MIOS: variants seen among roughly 807,000 people sequenced by gnomAD.
MIOS encodes the protein meiosis regulator for oocyte development, also known as GATOR2 complex protein MIOS.
In MIOS, 52 loss-of-function variants were observed where a neutral mutation model predicts 96.9. That is an observed-to-expected ratio of 0.54 (90% CI 0.43 to 0.68). The LOEUF is 0.68. Among genes scored for constraint, MIOS ranks in the 30% least tolerant of loss-of-function variants. MIOS has a pLI of 0.00. For missense variants in MIOS, 1,005 were observed against 1,052.8 expected (o/e 0.95, Z 0.63); for synonymous variants, 397 against 359.5 (o/e 1.10, Z -1.18).
intron 9 of MIOS, among the ~76,000 whole-genome samples, chr7:7,594,468 T>C (rs974842361): frequency 4.6e-5 from 7 of 152,182 alleles, no homozygotes; most frequent in African/African-American, 1.7e-4. Flanking sequence ...CTAATTTTTG[T>C]ATTTTTACTA....
chr7:7,600,837 T>A (rs946607493), intron 11 of MIOS, among the ~76,000 whole-genome samples: 36 of 152,224 alleles, frequency 2.4e-4, no homozygotes, highest in Middle Eastern at 3.4e-3. Context: ...CCTCAGCAAA[T>A]GTAAAAGAAC....
chr7:7,606,904 A>G (rs1166497253), intron 12 of MIOS, 92 bp from the exon 13 acceptor site: 18 of 1,012,138 alleles, frequency 1.8e-5, no homozygotes, highest in Non-Finnish European at 2.7e-5. Context: ...TGGGAAATAT[A>G]GGGAGACCCT....
rs760576442 is a variant in MIOS at position 7,572,574 on chromosome 7, T to C, written c.99T>C (p.Thr33=). The part of the protein sequence containing the change: ...SELSLYHVES[T]VNSELKAGSL... ...TAAGTCTTTATCATGTGGAATCTAC[T>C]GTGAATTCAGAACTCAAAGCTGGAT... Residue 33 remains threonine, a synonymous_variant, in exon 4 of 13, where the codon ACT becomes ACC. Coordinates refer to ENST00000340080, the MANE Select transcript of MIOS (RefSeq NM_019005.4). The surrounding 1 kb of genome is among the most constrained non-coding windows in gnomAD (Gnocchi z 4.8). 2.5e-6 allele frequency: 4 copies of C among 1,614,106 alleles called. No homozygotes were observed. The highest frequency in any genetic ancestry group is 3.4e-6 in the Non-Finnish European group (4 of 1,179,944).
chr7:7,583,425 A>G (rs1046707180), intron 6 of MIOS, 53 bp downstream of exon 6: 34 of 1,465,170 alleles, frequency 2.3e-5, no homozygotes, highest in African/African-American at 4.3e-5. Flanking sequence ...TTAGCAGTTC[A>G]TGGAATCTTT....
At chr7:7,569,849 T>C (rs1300238186) in intron 3 of MIOS, among the ~76,000 whole-genome samples, 3 of 152,016 alleles carry the variant, frequency 2.0e-5, no homozygotes, top group East Asian at 3.9e-4. Context: ...GGAAACATCA[T>C]TTGCAAAGGT....
At chr7:7,596,511 A>G in intron 11 of MIOS, 50 bp downstream of exon 11, 2 of 1,518,862 alleles carry the variant, frequency 1.3e-6, no homozygotes, top group African/African-American at 1.4e-5. Flanking sequence ...TGATTCTTAC[A>G]TAATTGAGTT....
At chr7:7,596,993 G>A (rs1015185966) in intron 11 of MIOS, among the ~76,000 whole-genome samples, 4 of 152,088 alleles carry the variant, frequency 2.6e-5, no homozygotes, top group African/African-American at 9.7e-5. Flanking sequence ...CTGGGAGTTT[G>A]AGACCAGCCT....
intron 11 of MIOS, among the ~76,000 whole-genome samples, chr7:7,599,026 C>G (rs1390822129): frequency 6.6e-6 from 1 of 151,668 alleles, no homozygotes; most frequent in African/African-American, 2.4e-5. Flanking sequence ...ATCAAAGAAC[C>G]TCTTGGAGCT....
In MIOS at chr7:7,589,397, T is replaced by A. The variant is rs778017634; in HGVS notation, c.1885-8T>A. 1.2e-6 allele frequency: 2 copies of A among 1,611,548 alleles called. No homozygotes were observed. Among genetic ancestry groups the A allele is most frequent in the East Asian group, 2.2e-5 (1 of 44,768 alleles). ...ATTGCTTTAGAAAAATCACTTTAAA[T>A]TTTCCAGTTAAATAGATACATCGAA... On this transcript the variant is annotated splice_polypyrimidine_tract_variant and splice_region_variant and intron_variant, in intron 8 of 12. Transcript: ENST00000340080.
chr7:7,588,274 G>C (rs183959188), intron 7 of MIOS, among the ~76,000 whole-genome samples: 29 of 152,152 alleles, frequency 1.9e-4, no homozygotes, highest in African/African-American at 7.0e-4. Flanking sequence ...GTGTTTAAAA[G>C]GTAAATTTTT....
At chr7:7,577,444 G>T (rs944508018) in intron 5 of MIOS, among the ~76,000 whole-genome samples, 8 of 152,136 alleles carry the variant, frequency 5.3e-5, no homozygotes, top group African/African-American at 1.9e-4. Flanking sequence ...TATAAAGGAG[G>T]ACAAAAAGAT....
rs574578202 is a variant in MIOS, at chr7:7,601,245, C to G, written c.2402-4697C>G. 2.3e-3 allele frequency among the ~76,000 whole-genome samples: 341 copies of G among 150,566 alleles called. 2 individuals are homozygous for G. Among genetic ancestry groups the G allele is most frequent in the African/African-American group, 7.8e-3 (322 of 41,096 alleles). ...AGCAGAACTGAAGGAAATAGAGACA[C>G]AAAAGACCCTTCAAAAAATCAATGA... On this transcript the variant is annotated intron_variant, in intron 11 of 12. Coordinates refer to ENST00000340080, the MANE Select transcript of MIOS (RefSeq NM_019005.4).
chr7:7,581,280 G>T (rs1379214390), intron 5 of MIOS, among the ~76,000 whole-genome samples: 1 of 151,856 alleles, frequency 6.6e-6, no homozygotes, highest in Non-Finnish European at 1.5e-5. Flanking sequence ...TCCAGCCTGG[G>T]TGACAGAGCA....
chr7:7,571,916 G>T (rs1023689085), intron 3 of MIOS, among the ~76,000 whole-genome samples: 3 of 152,182 alleles, frequency 2.0e-5, no homozygotes, highest in African/African-American at 4.8e-5. Flanking sequence ...TAAAATTAAG[G>T]TTTAAAATTT....
At chr7:7,597,449 T>A (rs114162713) in intron 11 of MIOS, among the ~76,000 whole-genome samples, 2,526 of 130,444 alleles carry the variant, frequency 0.019, 108 homozygotes, top group African/African-American at 0.068. Flanking sequence ...TTCTGCTGTT[T>A]GTCAGTTACC....
intron 9 of MIOS, among the ~76,000 whole-genome samples, chr7:7,594,393 G>A (rs369898938): frequency 2.8e-5 from 4 of 145,240 alleles, no homozygotes; most frequent in South Asian, 4.2e-4. Context: ...TGCAACTTCC[G>A]CCTCCCGGTT....
Position 7,588,364 on chromosome 7 carries a change from G to T in MIOS, c.1819-134G>T, listed in dbSNP as rs999304560. ...GGCATCTCAGGCAATTAATGGCTCT[G>T]CAAGATAAATATAACTTATTAATAA... is the stretch of plus-strand genomic sequence containing the variant. On this transcript the variant is annotated intron_variant, in intron 7 of 12. Coordinates refer to ENST00000340080, the MANE Select transcript of MIOS (RefSeq NM_019005.4). 17 of 446,626 alleles carry T rather than the reference G, an allele frequency of 3.8e-5. No individual in the cohort carries two copies. In the South Asian group the frequency reaches 1.2e-3, roughly 31 times the overall value. 27.7% of individuals were successfully genotyped at this position (446,626 alleles called of 1,614,324 possible). A position where few individuals can be genotyped will look rare whatever the true frequency, so the allele number is the denominator to read the frequency against.
intron 4 of MIOS, 81 bp from the exon 5 acceptor site, chr7:7,574,017 T>C: frequency 2.6e-6 from 3 of 1,148,854 alleles, no homozygotes; most frequent in Non-Finnish European, 2.5e-6. Flanking sequence ...ATACTTATTA[T>C]GAATTGGCTC....
Position 7,573,379 on chromosome 7 carries a change from C to T in MIOS, c.904C>T (p.Pro302Ser), listed in dbSNP as rs1783417647. 1.2e-6 allele frequency: 2 copies of T among 1,613,992 alleles called. No homozygotes were observed. The highest frequency in any genetic ancestry group is 1.7e-5 in the Admixed American group (1 of 60,010). Residue 302 changes from proline to serine, a missense_variant, in exon 4 of 13, where the codon CCC becomes TCC. By Grantham distance (74) the Pro-to-Ser change is moderately conservative. This residue lies in a region of MIOS where 865 missense variants were observed against 887.9 expected (regional missense o/e 0.97). Coordinates refer to ENST00000340080, the MANE Select transcript of MIOS (RefSeq NM_019005.4). This position sits in a 1 kb window ranked among gnomAD's most constrained non-coding sequence, Gnocchi z 5.0. Reference protein sequence around the residue: ...IIRLYDMQHTPTPIGDETEPT... With the variant: ...IIRLYDMQHTSTPIGDETEPT... ...TAGATTGTATGATATGCAGCATACA[C>T]CCACTCCCATTGGGGATGAAACTGA...
Sources: gnomAD v4.1 joint callset for allele counts (sites outside exome capture counted in the v4.1 genomes callset) on GRCh38, gnomAD v4.1.1 for gene constraint, gnomAD v4.1.1 regional missense constraint, Gnocchi (gnomAD v3.1) non-coding constraint, MANE v1.5 for transcripts, NCBI Gene and HGNC (gene_info 2026-07-23, HGNC 2026-07-21) for gene names.